FSAF1: variants seen among roughly 807,000 people sequenced by gnomAD.
FSAF1 encodes the protein 40S small subunit processome assembly factor 1, also known as uncharacterized protein C1orf131.
chr1:231,237,879 T>C, the FSAF1 span: 3 of 152,162 alleles, frequency 2.0e-5, no homozygotes, highest in South Asian at 2.1e-4. Context: ...TTCTTGTGAA[T>C]AGATAAATTA....
the FSAF1 span, chr1:231,229,028 A>G: frequency 3.3e-6 from 2 of 612,550 alleles, no homozygotes; most frequent in East Asian, 3.1e-5. Context: ...CCTAACATCT[A>G]TACTACATAG....
the FSAF1 span, among the ~76,000 whole-genome samples, chr1:231,233,562 T>A: frequency 6.6e-6 from 1 of 152,132 alleles, no homozygotes. Flanking sequence ...ACAAAAAATT[T>A]TTTTTTTTGA....
the FSAF1 span, chr1:231,225,594 T>C: frequency 7.2e-7 from 1 of 1,388,906 alleles, no homozygotes; most frequent in African/African-American, 1.4e-5. Flanking sequence ...GGCAAGAGGT[T>C]TGTGACCAAA....
the FSAF1 span, chr1:231,224,368 T>C: frequency 6.2e-7 from 1 of 1,613,020 alleles, no homozygotes; most frequent in Non-Finnish European, 8.5e-7. Context: ...ACCTGTCCAA[T>C]CCGTCCATTT....
the FSAF1 span, chr1:231,227,217 C>A: frequency 2.5e-6 from 2 of 798,508 alleles, no homozygotes; most frequent in South Asian, 1.6e-5. Context: ...GTCAAAGGAG[C>A]TCTATGGAGG....
chr1:231,230,137 G>A, the FSAF1 span, among the ~76,000 whole-genome samples: 1 of 152,056 alleles, frequency 6.6e-6, no homozygotes, highest in African/African-American at 2.4e-5. Flanking sequence ...GAAGAAAAAT[G>A]GAGACAATAC....
the FSAF1 span, chr1:231,226,919 C>T: frequency 6.2e-7 from 1 of 1,607,990 alleles, no homozygotes; most frequent in South Asian, 1.1e-5. Flanking sequence ...GCTTTCCTTG[C>T]TCTTGCTTTT....
the FSAF1 span, chr1:231,238,747 T>G: frequency 1.8e-6 from 2 of 1,098,212 alleles, no homozygotes; most frequent in South Asian, 3.2e-5. Flanking sequence ...TTGGCAAATC[T>G]GCAGGCCTGA....
At chr1:231,236,027 T>C in the FSAF1 span, among the ~76,000 whole-genome samples, 1 of 152,190 alleles carries the variant, frequency 6.6e-6, no homozygotes, top group African/African-American at 2.4e-5. Flanking sequence ...GATGCTATGA[T>C]TGGTCATGGA....
At chr1:231,229,051 G>A in the FSAF1 span, 2 of 737,060 alleles carry the variant, frequency 2.7e-6, no homozygotes, top group African/African-American at 3.6e-5. Flanking sequence ...TGCATGTTAT[G>A]TTATAAACTT....
At chr1:231,224,403 T>G in the FSAF1 span, 1 of 1,602,540 alleles carries the variant, frequency 6.2e-7, no homozygotes, top group Non-Finnish European at 8.5e-7. Context: ...AGCGGACTTC[T>G]TTTTGGATTT....
At chr1:231,236,129 T>C in the FSAF1 span, among the ~76,000 whole-genome samples, 1 of 152,206 alleles carries the variant, frequency 6.6e-6, no homozygotes, top group African/African-American at 2.4e-5. Context: ...AGGGCACAAC[T>C]ATACTTTCCC....
At chr1:231,238,981 G>A in the FSAF1 span, 4 of 1,613,992 alleles carry the variant, frequency 2.5e-6, no homozygotes, top group Non-Finnish European at 3.4e-6. Context: ...AAGGATCTCT[G>A]GTCCTGTGGG....
At chr1:231,240,998 G>GT in the FSAF1 span, 1 of 1,591,472 alleles carries the variant, frequency 6.3e-7, no homozygotes, top group Non-Finnish European at 8.6e-7. This position sits in a 1 kb window ranked among gnomAD's most constrained non-coding sequence, Gnocchi z 4.1. Flanking sequence ...TGTTCTCCAC[G>GT]TGGGCTCCTG....
At chr1:231,237,340 G>C in the FSAF1 span, 2 of 152,240 alleles carry the variant, frequency 1.3e-5, no homozygotes, top group Non-Finnish European at 2.9e-5. Flanking sequence ...CATCTTCGTA[G>C]TGGGTAGAAT....
At chr1:231,225,759 G>C in the FSAF1 span, 27 of 514,644 alleles carry the variant, frequency 5.2e-5, no homozygotes, top group Non-Finnish European at 7.7e-5. Flanking sequence ...GAAGCCAAGG[G>C]GGGAGGATCA....
chr1:231,235,421 C>T, the FSAF1 span, among the ~76,000 whole-genome samples: 1 of 151,348 alleles, frequency 6.6e-6, no homozygotes, highest in Admixed American at 6.6e-5. Context: ...CGCTTGAACC[C>T]GGGAGGCGGA....
chr1:231,229,233 G>A, the FSAF1 span: 1 of 1,480,990 alleles, frequency 6.8e-7, no homozygotes, highest in Non-Finnish European at 9.3e-7. Context: ...TTCTTATTTA[G>A]ATCATCTGTT....
At chr1:231,235,540 C>T in the FSAF1 span, among the ~76,000 whole-genome samples, 3 of 151,444 alleles carry the variant, frequency 2.0e-5, no homozygotes, top group Non-Finnish European at 2.9e-5. Context: ...GTGGCTCTCA[C>T]ACCTGTAATC....
Sources: allele counts gnomAD v4.1 joint callset (sites outside exome capture counted in the v4.1 genomes callset), GRCh38; gene constraint gnomAD v4.1.1; non-coding constraint Gnocchi (gnomAD v3.1); transcripts MANE v1.5; gene names NCBI Gene and HGNC (gene_info 2026-07-23, HGNC 2026-07-21).